The following REEP3 variants were observed in gnomAD, a reference collection of about 807,000 sequenced individuals.
The protein encoded by REEP3 is receptor expression-enhancing protein 3.
Under a neutral mutation model 41.3 loss-of-function variants are expected in REEP3, and 20 were observed. That is an observed-to-expected ratio of 0.48 (90% CI 0.34 to 0.70). The LOEUF (loss-of-function observed/expected upper bound fraction) is 0.70, where lower values mean the gene tolerates loss of function less well. Ranked by LOEUF, REEP3 falls within the 30% of genes least tolerant of loss-of-function variation. The pLI, the probability that REEP3 is intolerant of heterozygous loss-of-function variation, is 0.01. For missense variants in REEP3, 271 were observed against 308.8 expected (o/e 0.88, Z 0.92); for synonymous variants, 104 against 101.8 (o/e 1.02, Z -0.13).
At chr10:63,549,050 G>A (rs2133358805) in intron 1 of REEP3, among the ~76,000 whole-genome samples, 1 of 152,044 alleles carries the variant, frequency 6.6e-6, no homozygotes, top group East Asian at 1.9e-4. Flanking sequence ...GCCAAGAAAG[G>A]TAAAGAGAGA....
chr10:63,534,685 C>T (rs898997677), intron 1 of REEP3, among the ~76,000 whole-genome samples: 1 of 152,118 alleles, frequency 6.6e-6, no homozygotes, highest in Admixed American at 6.5e-5. Flanking sequence ...GTGACAAAGT[C>T]TTACAGTGCT....
rs1955447106 is a variant in REEP3 at position 63,533,710 on chromosome 10, C to CTTTTTTTTTTTTTTGTTTTTTTTTTT, written c.32+12147_32+12148insGTTTTTTTTTTTTTTTTTTTTTTTTT. Among the ~76,000 whole-genome samples, 2 of 101,070 alleles carry CTTTTTTTTTTTTTTGTTTTTTTTTTT rather than the reference C, an allele frequency of 2.0e-5. 1 individual carries two copies. Among genetic ancestry groups the CTTTTTTTTTTTTTTGTTTTTTTTTTT allele is most frequent in the Non-Finnish European group, 4.3e-5 (2 of 46,364 alleles). 66.3% of individuals were successfully genotyped at this position (101,070 alleles called of 152,430 possible). On this transcript the variant is annotated intron_variant, in intron 1 of 7. Coordinates refer to ENST00000373758, the MANE Select transcript of REEP3 (RefSeq NM_001001330.3). Reference sequence around the variant, plus strand: ...GAAAGAGCCTTGGAAGTATGTAAATCTTTTTTTTTTTTTTTGAGACGGAGT... The same window carrying CTTTTTTTTTTTTTTGTTTTTTTTTTT: ...GAAAGAGCCTTGGAAGTATGTAAATCTTTTTTTTTTTTTTGTTTTTTTTTTTTTTTTTTTTTTTTTTGAGACGGAGT...
At position 63,610,429 on chromosome 10, in the gene REEP3, G is replaced by T. The variant is rs531247489; in HGVS notation, c.565+95G>T. ...CCTGTCGGGGGGTGGGGCACAAGGA[G>T]AGGGAGAGCATTAGGACAAATACCT... On this transcript the variant is annotated intron_variant, in intron 6 of 7. Coordinates refer to ENST00000373758, the MANE Select transcript of REEP3 (RefSeq NM_001001330.3). 1.2e-4 allele frequency: 145 copies of T among 1,231,532 alleles called. 2 individuals are homozygous for T. The East Asian group carries it at 3.7e-3, about 31-fold the overall frequency. The allele number at this position is 1,231,532 out of a possible 1,614,324, so 76.3% of individuals were successfully genotyped here. A position where few individuals can be genotyped will look rare whatever the true frequency, so the allele number is the denominator to read the frequency against.
intron 1 of REEP3, among the ~76,000 whole-genome samples, chr10:63,564,080 T>A (rs1395379294): frequency 2.6e-5 from 4 of 152,208 alleles, no homozygotes; most frequent in African/African-American, 9.7e-5. Flanking sequence ...TAAAGTTTAA[T>A]TGATAAACAA....
intron 5 of REEP3, among the ~76,000 whole-genome samples, chr10:63,602,023 G>T (rs936629139): frequency 6.6e-6 from 1 of 152,022 alleles, no homozygotes. Flanking sequence ...GTAGGCCACT[G>T]GTGCCCATGT....
rs1467002230 is a variant in REEP3 at position 63,624,743 on chromosome 10, A to G, written c.*3874A>G. 6.6e-6 allele frequency: 1 copy of G among 152,162 alleles called. No homozygotes were observed. Among genetic ancestry groups the G allele is most frequent in the East Asian group, 1.9e-4 (1 of 5,206 alleles). 9.4% of individuals were successfully genotyped at this position (152,162 alleles called of 1,614,324 possible). A position where few individuals can be genotyped will look rare whatever the true frequency, so the allele number is the denominator to read the frequency against. ...GGTATGGTCATCCATAGGATTATGA[A>G]AAAGAAATACTGAATTGTTAAATTT... On this transcript the variant is annotated 3_prime_UTR_variant, in exon 8 of 8. Coordinates refer to ENST00000373758, the MANE Select transcript of REEP3 (RefSeq NM_001001330.3).
chr10:63,583,600 G>A (rs1166350935), intron 2 of REEP3, among the ~76,000 whole-genome samples: 1 of 152,178 alleles, frequency 6.6e-6, no homozygotes, highest in Non-Finnish European at 1.5e-5. Flanking sequence ...AGGCCTAGGT[G>A]CCTAAGAAGT....
chr10:63,621,538 A>G lies in REEP3; in HGVS notation c.*669A>G, dbSNP rs973530346. On this transcript the variant is annotated 3_prime_UTR_variant, in exon 8 of 8. Transcript: ENST00000373758. Reference sequence around the variant, plus strand: ...GTTTTTGCCGTATTCTGACATGTCAAATCTATGCCTTGAATTATATCATCT... The same window carrying G: ...GTTTTTGCCGTATTCTGACATGTCAGATCTATGCCTTGAATTATATCATCT... The G allele has an allele frequency of 1.3e-5, 2 of 152,588 alleles. No homozygotes were observed. Among genetic ancestry groups the G allele is most frequent in the Admixed American group, 6.5e-5 (1 of 15,282 alleles). 9.5% of individuals were successfully genotyped at this position (152,588 alleles called of 1,614,324 possible).
At chr10:63,561,475 G>C (rs923997366) in intron 1 of REEP3, among the ~76,000 whole-genome samples, 2 of 152,318 alleles carry the variant, frequency 1.3e-5, no homozygotes, top group South Asian at 2.1e-4. Flanking sequence ...AATACAAGAG[G>C]CATATTGAGG....
intron 1 of REEP3, chr10:63,521,935 C>G (rs1955267755): frequency 6.6e-6 from 1 of 150,768 alleles, no homozygotes; most frequent in Non-Finnish European, 1.5e-5. Context: ...CCGCGCAGCG[C>G]GGCACCGCCC....
At chr10:63,558,773 G>A (rs1312854361) in intron 1 of REEP3, among the ~76,000 whole-genome samples, 1 of 152,070 alleles carries the variant, frequency 6.6e-6, no homozygotes, top group African/African-American at 2.4e-5. Flanking sequence ...TTAAAAAAGA[G>A]GCTGGAGTGT....
At chr10:63,548,943 A>T (rs1047931723) in intron 1 of REEP3, among the ~76,000 whole-genome samples, 4 of 152,040 alleles carry the variant, frequency 2.6e-5, no homozygotes, top group African/African-American at 9.7e-5. Context: ...TTTGATGGTG[A>T]TCTCTTGTAA....
intron 1 of REEP3, among the ~76,000 whole-genome samples, chr10:63,528,205 C>T (rs1955384901): frequency 6.6e-6 from 1 of 152,176 alleles, no homozygotes; most frequent in Non-Finnish European, 1.5e-5. Context: ...GTGGAAACAT[C>T]TGAAAGTCAG....
At chr10:63,537,557 CAAT>C (rs1955486441) in intron 1 of REEP3, among the ~76,000 whole-genome samples, 1 of 152,106 alleles carries the variant, frequency 6.6e-6, no homozygotes, top group Non-Finnish European at 1.5e-5. Flanking sequence ...TTCCTTTAAT[CAAT>C]GATTACATTA....
At chr10:63,568,937 A>T (rs1955828573) in intron 2 of REEP3, among the ~76,000 whole-genome samples, 1 of 152,180 alleles carries the variant, frequency 6.6e-6, no homozygotes, top group Admixed American at 6.5e-5. Flanking sequence ...TACTGGGATT[A>T]TAGGCATGAG....
intron 2 of REEP3, among the ~76,000 whole-genome samples, chr10:63,580,589 T>C (rs1435792215): frequency 1.3e-5 from 2 of 151,938 alleles, no homozygotes; most frequent in Non-Finnish European, 2.9e-5. Context: ...ATAAGTTTAA[T>C]AAGATAAACA....
intron 2 of REEP3, among the ~76,000 whole-genome samples, chr10:63,572,644 A>G (rs2133381306): frequency 6.6e-6 from 1 of 152,330 alleles, no homozygotes; most frequent in South Asian, 2.1e-4. Flanking sequence ...TTTTCTTAGT[A>G]AAATTAACCT....
chr10:63,531,585 AT>A (rs954107041), intron 1 of REEP3, among the ~76,000 whole-genome samples: 10 of 152,198 alleles, frequency 6.6e-5, no homozygotes, highest in African/African-American at 2.4e-4. Flanking sequence ...TAAAAATTAA[AT>A]TTCTCAATAC....
At chr10:63,609,805 A>G (rs1956263501) in intron 5 of REEP3, among the ~76,000 whole-genome samples, 1 of 152,082 alleles carries the variant, frequency 6.6e-6, no homozygotes, top group Non-Finnish European at 1.5e-5. Context: ...CAAAAAATTA[A>G]AAGTTGCCCT....
Sources: allele counts gnomAD v4.1 joint callset (sites outside exome capture counted in the v4.1 genomes callset), GRCh38; gene constraint gnomAD v4.1.1; transcripts MANE v1.5; gene names NCBI Gene and HGNC (gene_info 2026-07-23, HGNC 2026-07-21).